Variants in BMP3 observed in about 807,000 individuals in gnomAD.
BMP3 encodes bone morphogenetic protein 3, also known as bone morphogenetic protein 3 (osteogenic).
BMP3 carries 23 observed loss-of-function variants against 38.1 expected under a neutral mutation model. The observed-to-expected ratio is 0.60, with a 90% CI of 0.43 to 0.86. The LOEUF (loss-of-function observed/expected upper bound fraction) is 0.86. BMP3 is among the 40% of genes least tolerant of loss of function. BMP3 has a pLI of 0.00. For synonymous variants in BMP3, 258 were observed against 225.7 expected (o/e 1.14, Z -1.28); for missense variants, 628 against 579.6 (o/e 1.08, Z -0.86).
Position 81,031,250 on chromosome 4 carries a change from C to T in BMP3, c.-35C>T. ...GCGCCTTCGGAGTGTCCCGCAGCGA[C>T]GCCGGGAGCCGACGCGCCGCGCGGG... On this transcript the variant is annotated 5_prime_UTR_variant, in exon 1 of 3. It adds an upstream start codon to the 5' untranslated region. Transcript: ENST00000282701. 6.5e-7 allele frequency: 1 copy of T among 1,540,382 alleles called. No individual in the cohort carries two copies. Among genetic ancestry groups the T allele is most frequent in the Non-Finnish European group, 8.7e-7 (1 of 1,143,294 alleles).
At position 81,041,947 on chromosome 4, in the gene BMP3, T is replaced by C. The variant is rs573367343; in HGVS notation, c.317-3791T>C. 1.1e-4 allele frequency among the ~76,000 whole-genome samples: 17 copies of C among 148,742 alleles called. No individual in the cohort carries two copies. In the South Asian group the frequency reaches 3.4e-3, roughly 30 times the overall value. ...TTGTATTATCATCATGGCATAGTCT[T>C]TTTTTTTTCCTTTCCATTTTGACTA... On this transcript the variant is annotated intron_variant, in intron 1 of 2. Transcript: ENST00000282701.
intron 1 of BMP3, among the ~76,000 whole-genome samples, chr4:81,038,274 C>T (rs895577066): frequency 1.3e-5 from 2 of 152,250 alleles, no homozygotes; most frequent in East Asian, 1.9e-4. Context: ...ACCCTTCACT[C>T]ATAGCTGCAG....
chr4:81,052,701 T>TC (rs1394638359), intron 2 of BMP3, among the ~76,000 whole-genome samples: 1 of 152,096 alleles, frequency 6.6e-6, no homozygotes, highest in Non-Finnish European at 1.5e-5. Context: ...CAGTTTGTAC[T>TC]TCTAAGGAGA....
At chr4:81,041,262 C>T (rs78054009) in intron 1 of BMP3, among the ~76,000 whole-genome samples, 5,566 of 152,248 alleles carry the variant, frequency 0.037, 330 homozygotes, top group African/African-American at 0.13. Context: ...ATGCTGCTCG[C>T]TTATTACAAT....
chr4:81,048,121 G>T (rs941997315), intron 2 of BMP3, among the ~76,000 whole-genome samples: 1 of 151,984 alleles, frequency 6.6e-6, no homozygotes, highest in Non-Finnish European at 1.5e-5. Context: ...CACAAAGTAC[G>T]AATTCTATAC....
intron 1 of BMP3, among the ~76,000 whole-genome samples, chr4:81,033,234 C>G (rs937922845): frequency 6.6e-6 from 1 of 152,176 alleles, no homozygotes; most frequent in African/African-American, 2.4e-5. Context: ...ATAGAATGAA[C>G]CACATGGTTT....
intron 1 of BMP3, among the ~76,000 whole-genome samples, chr4:81,038,250 A>C (rs1739974374): frequency 6.6e-6 from 1 of 152,178 alleles, no homozygotes; most frequent in Admixed American, 6.5e-5. Context: ...AAAATAAGTT[A>C]ATCAAGACTG....
In BMP3 at chr4:81,037,806, G is replaced by A. The variant is rs188607200; in HGVS notation, c.316+6206G>A. ...CTGTCCTGACCATGGTGGCTGAGGGGTGTAGGGTTATGCTTTTTTAGAGAG... is the reference window on the plus strand; with the variant it reads ...CTGTCCTGACCATGGTGGCTGAGGGATGTAGGGTTATGCTTTTTTAGAGAG... On this transcript the variant is annotated intron_variant, in intron 1 of 2. Coordinates refer to ENST00000282701, the MANE Select transcript of BMP3 (RefSeq NM_001201.5). Among the ~76,000 whole-genome samples, 4 of 152,192 alleles carry A rather than the reference G, an allele frequency of 2.6e-5. No individual in the cohort carries two copies. The East Asian group carries it at 7.7e-4, about 29-fold the overall frequency.
intron 1 of BMP3, among the ~76,000 whole-genome samples, chr4:81,035,668 CAAAACCTATTATTTTT>C (rs1739903514): frequency 6.6e-6 from 1 of 152,032 alleles, no homozygotes; most frequent in African/African-American, 2.4e-5. Context: ...GAGCTCATCT[CAAAACCTATTATTTTT>C]AATAGCCAAA....
intron 2 of BMP3, among the ~76,000 whole-genome samples, chr4:81,051,941 C>A (rs1740408139): frequency 6.6e-6 from 1 of 151,774 alleles, no homozygotes; most frequent in Non-Finnish European, 1.5e-5. Context: ...GATTTTATTT[C>A]ATTGATATTA....
At chr4:81,032,791 A>T (rs1739814583) in intron 1 of BMP3, among the ~76,000 whole-genome samples, 1 of 152,234 alleles carries the variant, frequency 6.6e-6, no homozygotes, top group East Asian at 1.9e-4. Context: ...TACAGGCATG[A>T]TGACATTTAC....
chr4:81,046,249 C>T lies in BMP3; in HGVS notation c.828C>T (p.His276=). Residue 276 remains histidine (H), a synonymous_variant, in exon 2 of 3, where the codon CAC becomes CAT. Transcript: ENST00000282701. ...PTGTVPKWDS[H]IRAALSIERR... ...GAACTGTTCCCAAATGGGATAGCCACATCAGAGCTGCCCTTTCCATTGAGC... is the reference window on the plus strand; with the variant it reads ...GAACTGTTCCCAAATGGGATAGCCATATCAGAGCTGCCCTTTCCATTGAGC... 6.2e-7 allele frequency: 1 copy of T among 1,614,116 alleles called. No homozygotes were observed. Among genetic ancestry groups the T allele is most frequent in the South Asian group, 1.1e-5 (1 of 91,084 alleles).
At position 81,031,389 on chromosome 4, in the gene BMP3, T is replaced by G. The variant is rs778505235; in HGVS notation, c.105T>G (p.Ala35=). ...PKPPFPELRK[A]VPGDRTAGGG... ...CACCTTTCCCGGAGCTCCGCAAAGC[T>G]GTGCCAGGTGACCGCACGGCAGGTG... Residue 35 remains alanine (A), a synonymous_variant, in exon 1 of 3, where the codon GCT becomes GCG. Coordinates refer to ENST00000282701, the MANE Select transcript of BMP3 (RefSeq NM_001201.5). 5 of 1,613,592 alleles carry G rather than the reference T, an allele frequency of 3.1e-6. No homozygotes were observed. The Admixed American group carries it at 8.3e-5, about 27-fold the overall frequency.
intron 1 of BMP3, among the ~76,000 whole-genome samples, chr4:81,033,036 A>G (rs775914172): frequency 2.2e-4 from 33 of 152,246 alleles, no homozygotes; most frequent in Non-Finnish European, 4.3e-4. Flanking sequence ...CTAGGGGCAT[A>G]ACTCAGTGAG....
At chr4:81,044,158 T>C (rs2109907738) in intron 1 of BMP3, among the ~76,000 whole-genome samples, 1 of 152,276 alleles carries the variant, frequency 6.6e-6, no homozygotes, top group Non-Finnish European at 1.5e-5. Context: ...CCAAACCCTG[T>C]GTTTGTAGCC....
At chr4:81,047,078 C>A (rs1038713095) in intron 2 of BMP3, among the ~76,000 whole-genome samples, 1 of 152,118 alleles carries the variant, frequency 6.6e-6, no homozygotes, top group African/African-American at 2.4e-5. Context: ...GGGATTGATG[C>A]CCTAATGCAG....
At chr4:81,052,604 A>C (rs1413542591) in intron 2 of BMP3, among the ~76,000 whole-genome samples, 1 of 151,996 alleles carries the variant, frequency 6.6e-6, no homozygotes, top group Non-Finnish European at 1.5e-5. Context: ...GACGTGGCCC[A>C]CTCTTAGAAC....
chr4:81,032,458 C>G (rs1259562669), intron 1 of BMP3, among the ~76,000 whole-genome samples: 1 of 152,216 alleles, frequency 6.6e-6, no homozygotes, highest in Non-Finnish European at 1.5e-5. Context: ...CTTATGCTAA[C>G]AGCCTCCCTC....
intron 1 of BMP3, among the ~76,000 whole-genome samples, chr4:81,041,525 A>T (rs999722304): frequency 1.8e-4 from 28 of 152,154 alleles, no homozygotes; most frequent in African/African-American, 6.5e-4. Flanking sequence ...CTAGGTGGAA[A>T]TAACAAGAGC....
Sources: allele counts gnomAD v4.1 joint callset (sites outside exome capture counted in the v4.1 genomes callset), GRCh38; gene constraint gnomAD v4.1.1; transcripts MANE v1.5; gene names NCBI Gene and HGNC (gene_info 2026-07-23, HGNC 2026-07-21).